Variants in CLCN3 observed in about 807,000 individuals in gnomAD.
CLCN3 encodes the protein Cl-/H+ antiporter 3.
Under a neutral mutation model 83.4 loss-of-function variants are expected in CLCN3, and 16 were observed. That is an observed-to-expected ratio of 0.19 (90% CI 0.13 to 0.29). CLCN3 has a LOEUF of 0.29. Ranked by LOEUF, CLCN3 falls within the 10% of genes least tolerant of loss-of-function variation. The pLI is 1.00. For synonymous variants in CLCN3, 322 were observed against 346.2 expected (o/e 0.93, Z 0.78); for missense variants, 544 against 1,006.0 (o/e 0.54, Z 6.21).
chr4:169,625,519 G>T (rs1773212507), intron 1 of CLCN3, among the ~76,000 whole-genome samples: 1 of 152,068 alleles, frequency 6.6e-6, no homozygotes, highest in Admixed American at 6.6e-5. Context: ...GCAGTTTTGG[G>T]GCTCAGGTCA....
At chr4:169,647,074 A>G (rs977054896) in intron 2 of CLCN3, among the ~76,000 whole-genome samples, 3 of 152,166 alleles carry the variant, frequency 2.0e-5, no homozygotes, top group African/African-American at 7.2e-5. Context: ...CAGATAGATT[A>G]TCCTGGGTTC....
intron 2 of CLCN3, among the ~76,000 whole-genome samples, chr4:169,655,387 T>C (rs961295635): frequency 3.9e-5 from 6 of 152,232 alleles, no homozygotes; most frequent in Admixed American, 1.3e-4. Context: ...TATTAGCTTA[T>C]GTTCATGCCT....
In CLCN3 at chr4:169,689,483, G is replaced by C. The variant is rs377716922; in HGVS notation, c.606+253G>C. Reference sequence around the variant, plus strand: ...ATATTTGAGCTGTAGTAGAAAAGAAGTGATAGTTATTGCAGTAAGATCTGT... The same window carrying C: ...ATATTTGAGCTGTAGTAGAAAAGAACTGATAGTTATTGCAGTAAGATCTGT... On this transcript the variant is annotated intron_variant, in intron 5 of 12. Transcript: ENST00000513761. Among the ~76,000 whole-genome samples, 4 of 152,310 alleles carry C rather than the reference G, an allele frequency of 2.6e-5. No homozygotes were observed. In the East Asian group the frequency reaches 7.7e-4, roughly 29 times the overall value.
chr4:169,699,040 C>T (rs1394690544), intron 9 of CLCN3, among the ~76,000 whole-genome samples: 1 of 152,196 alleles, frequency 6.6e-6, no homozygotes, highest in Non-Finnish European at 1.5e-5. Flanking sequence ...TCTCCTTTTT[C>T]AAGGTCAGTT....
chr4:169,679,030 G>T (rs1328806132), intron 2 of CLCN3, among the ~76,000 whole-genome samples: 2 of 150,846 alleles, frequency 1.3e-5, no homozygotes, highest in Non-Finnish European at 3.0e-5. Context: ...GGCGGCTGCC[G>T]GGCGGGGGCG....
chr4:169,693,006 GAGCCC>G (rs899789581), intron 7 of CLCN3, among the ~76,000 whole-genome samples: 4 of 151,978 alleles, frequency 2.6e-5, no homozygotes, highest in African/African-American at 9.7e-5. Flanking sequence ...TAGACTTTGG[GAGCCC>G]AGTCCCTTCC....
chr4:169,631,025 A>G (rs1773356096), intron 1 of CLCN3, among the ~76,000 whole-genome samples: 2 of 152,194 alleles, frequency 1.3e-5, no homozygotes, highest in South Asian at 4.1e-4. Flanking sequence ...GTTCTTTGAT[A>G]AATCTCCAAA....
intron 9 of CLCN3, among the ~76,000 whole-genome samples, chr4:169,699,441 T>C (rs913819607): frequency 6.6e-6 from 1 of 152,188 alleles, no homozygotes; most frequent in African/African-American, 2.4e-5. Context: ...TGTAATAGTA[T>C]TTGCTAGTGA....
rs573376147 is a variant in CLCN3, at chr4:169,678,948, C to T, written c.161-1102C>T. Among the ~76,000 whole-genome samples, 54 of 152,360 alleles carry T rather than the reference C, an allele frequency of 3.5e-4. No individual in the cohort carries two copies. In the East Asian group the frequency reaches 7.1e-3, roughly 20 times the overall value. On this transcript the variant is annotated intron_variant, in intron 2 of 12. Transcript: ENST00000513761. ...TGGGTACACCTCCCAGACAGGGTGG[C>T]GGCCAGGCAGAGGGGCTCCTCACTT... is the stretch of plus-strand genomic sequence containing the variant.
At chr4:169,641,926 T>G (rs1730424387) in intron 2 of CLCN3, among the ~76,000 whole-genome samples, 1 of 152,146 alleles carries the variant, frequency 6.6e-6, no homozygotes, top group Non-Finnish European at 1.5e-5. Context: ...ATAATCTACT[T>G]CATTCCAAAA....
chr4:169,692,593 C>G (rs1226595855), intron 7 of CLCN3, among the ~76,000 whole-genome samples: 1 of 152,176 alleles, frequency 6.6e-6, no homozygotes, highest in Admixed American at 6.6e-5. Context: ...CCTGTTATCA[C>G]TTTACCTTAC....
intron 10 of CLCN3, among the ~76,000 whole-genome samples, chr4:169,705,240 C>G (rs17055093): frequency 6.6e-6 from 1 of 151,860 alleles, no homozygotes; most frequent in African/African-American, 2.4e-5. Flanking sequence ...GACAAAGGAA[C>G]GAGGATGGGA....
At chr4:169,711,446 C>T (rs915581915) in intron 11 of CLCN3, among the ~76,000 whole-genome samples, 2 of 152,198 alleles carry the variant, frequency 1.3e-5, no homozygotes, top group South Asian at 4.1e-4. Context: ...TCACTGCAAC[C>T]TCCGCCTCCT....
At position 169,719,943 on chromosome 4, in the gene CLCN3, C is replaced by G; in HGVS notation, c.2403C>G (p.Leu801=). The G allele has an allele frequency of 6.2e-7, 1 of 1,613,802 alleles. No individual in the cohort carries two copies. Among genetic ancestry groups the G allele is most frequent in the Non-Finnish European group, 8.5e-7 (1 of 1,179,890 alleles). ...GCATTATAACAAAAAAAGATATCCT[C>G]CGGCATATGGCCCAGACGGCAAACC... ...LLGIITKKDI[L]RHMAQTANQD... Residue 801 remains leucine, a synonymous_variant, in exon 13 of 13, where the codon CTC becomes CTG. Coordinates refer to ENST00000513761, the MANE Select transcript of CLCN3 (RefSeq NM_001829.4).
chr4:169,621,127 T>C, intron 1 of CLCN3, 64 bp downstream of exon 1: 1 of 392,042 alleles, frequency 2.6e-6, no homozygotes, highest in Non-Finnish European at 4.5e-6. Context: ...GGGTCAACTG[T>C]GAGGCCACAG....
intron 2 of CLCN3, among the ~76,000 whole-genome samples, chr4:169,637,738 T>C (rs1730268797): frequency 6.6e-6 from 1 of 152,192 alleles, no homozygotes; most frequent in South Asian, 2.1e-4. Flanking sequence ...TATTCACATT[T>C]AGATCTGCCT....
intron 2 of CLCN3, among the ~76,000 whole-genome samples, chr4:169,639,673 C>T (rs540783762): frequency 6.2e-4 from 94 of 152,110 alleles, no homozygotes; most frequent in Non-Finnish European, 1.1e-3. Flanking sequence ...AAGTTGGAGC[C>T]TCACATTAGG....
rs565592926 is a variant in CLCN3 at position 169,717,415 on chromosome 4, A to G, written c.2367-2492A>G. On this transcript the variant is annotated intron_variant, in intron 12 of 12. Transcript: ENST00000513761. ...GTGACATCATAGAAATTAGAAAAATATTTTCCTCTGAGGAAAGAACATTGT... is the reference window on the plus strand; with the variant it reads ...GTGACATCATAGAAATTAGAAAAATGTTTTCCTCTGAGGAAAGAACATTGT... 6.6e-5 allele frequency among the ~76,000 whole-genome samples: 10 copies of G among 152,268 alleles called. No individual in the cohort carries two copies. In the East Asian group the frequency reaches 1.5e-3, roughly 23 times the overall value.
chr4:169,654,989 C>T (rs1205694659), intron 2 of CLCN3, among the ~76,000 whole-genome samples: 1 of 152,090 alleles, frequency 6.6e-6, no homozygotes, highest in Admixed American at 6.6e-5. Context: ...GTCATTCTGT[C>T]AATTTTTGCT....
Sources: gnomAD v4.1 joint callset for allele counts (sites outside exome capture counted in the v4.1 genomes callset) on GRCh38, gnomAD v4.1.1 for gene constraint, MANE v1.5 for transcripts, NCBI Gene and HGNC (gene_info 2026-07-23, HGNC 2026-07-21) for gene names.